DLC1: variants seen among roughly 807,000 people sequenced by gnomAD.
DLC1 encodes the protein rho GTPase-activating protein 7.
DLC1 carries 54 observed loss-of-function variants against 140.3 expected under a neutral mutation model. The ratio of observed to expected loss-of-function variants is 0.38; its 90% confidence interval spans 0.31 to 0.48. DLC1 has a LOEUF of 0.48. DLC1 is among the 20% of genes least tolerant of loss of function. The pLI is 0.96. For missense variants in DLC1, 2,536 were observed against 1,907.0 expected (o/e 1.33, Z -6.14); for synonymous variants, 986 against 728.1 (o/e 1.35, Z -5.70).
intron 4 of DLC1, among the ~76,000 whole-genome samples, chr8:13,322,505 C>T (rs1729137): frequency 0.37 from 55,916 of 151,820 alleles, 10,306 homozygotes; most frequent in East Asian, 0.47. Flanking sequence ...CATAATTCAA[C>T]TCAGCTGAGG....
At chr8:13,590,811 A>G (rs1361775399) in intron 1 of DLC1, among the ~76,000 whole-genome samples, 1 of 152,146 alleles carries the variant, frequency 6.6e-6, no homozygotes, top group African/African-American at 2.4e-5. Flanking sequence ...TAGAATATTT[A>G]GTTTGTTTTC....
intron 2 of DLC1, among the ~76,000 whole-genome samples, chr8:13,415,548 C>T (rs920751005): frequency 2.0e-5 from 3 of 151,782 alleles, no homozygotes; most frequent in South Asian, 2.1e-4. Context: ...TACAGGCTCC[C>T]GCCACCACAC....
intron 5 of DLC1, among the ~76,000 whole-genome samples, chr8:13,290,681 C>T (rs1831722693): frequency 6.6e-6 from 1 of 151,996 alleles, no homozygotes; most frequent in African/African-American, 2.4e-5. Context: ...GGAAAAGTGC[C>T]AATTGCTGAA....
At chr8:13,163,292 T>C (rs1045791468) in intron 5 of DLC1, among the ~76,000 whole-genome samples, 1 of 152,146 alleles carries the variant, frequency 6.6e-6, no homozygotes, top group East Asian at 1.9e-4. Flanking sequence ...GATTGTTTGA[T>C]TGGTAAATTG....
intron 1 of DLC1, among the ~76,000 whole-genome samples, chr8:13,534,120 A>G (rs887041964): frequency 6.6e-6 from 1 of 152,032 alleles, no homozygotes; most frequent in Non-Finnish European, 1.5e-5. Flanking sequence ...TTTCCCTCCA[A>G]TCTGTTTAGA....
intron 1 of DLC1, among the ~76,000 whole-genome samples, chr8:13,505,711 C>A (rs1241764202): frequency 6.6e-6 from 1 of 152,092 alleles, no homozygotes; most frequent in Non-Finnish European, 1.5e-5. Flanking sequence ...CTTATGTCAC[C>A]AATGTCAGCA....
chr8:13,532,234 C>T (rs1022816878), intron 1 of DLC1, among the ~76,000 whole-genome samples: 4 of 152,154 alleles, frequency 2.6e-5, no homozygotes, highest in Non-Finnish European at 5.9e-5. Flanking sequence ...CATACCACTG[C>T]ACTCCAGCCT....
At chr8:13,455,751 A>C (rs289547) in intron 2 of DLC1, among the ~76,000 whole-genome samples, 75,573 of 151,922 alleles carry the variant, frequency 0.5, 19,396 homozygotes, top group African/African-American at 0.62. Flanking sequence ...TGGCTCATGC[A>C]TGTAATCCCA....
At chr8:13,363,845 G>A (rs1671340) in intron 4 of DLC1, among the ~76,000 whole-genome samples, 105,249 of 151,686 alleles carry the variant, frequency 0.69, 37,377 homozygotes, top group East Asian at 0.84. Context: ...GATAACTGGA[G>A]CCATCAAGAA....
At chr8:13,477,621 G>C (rs1800493108) in intron 2 of DLC1, among the ~76,000 whole-genome samples, 1 of 152,238 alleles carries the variant, frequency 6.6e-6, no homozygotes. Flanking sequence ...AATCTGATTA[G>C]ACTGTGTAGA....
At chr8:13,431,299 C>T (rs970288668) in intron 2 of DLC1, among the ~76,000 whole-genome samples, 24 of 151,470 alleles carry the variant, frequency 1.6e-4, no homozygotes, top group African/African-American at 3.4e-4. Flanking sequence ...TTGGCTAACA[C>T]GGTGAAACCC....
At chr8:13,354,423 G>A (rs1834825673) in intron 4 of DLC1, among the ~76,000 whole-genome samples, 1 of 151,996 alleles carries the variant, frequency 6.6e-6, no homozygotes, top group South Asian at 2.1e-4. Flanking sequence ...GTGTGTGTGT[G>A]GCAACGACTA....
intron 1 of DLC1, among the ~76,000 whole-genome samples, chr8:13,592,756 A>C (rs1033896007): frequency 1.3e-5 from 2 of 152,100 alleles, no homozygotes; most frequent in Admixed American, 6.6e-5. Flanking sequence ...GCCCAAGCCA[A>C]CAGTTTCTTT....
chr8:13,488,716 T>C (rs778432415), intron 2 of DLC1, among the ~76,000 whole-genome samples: 1 of 152,224 alleles, frequency 6.6e-6, no homozygotes, highest in Non-Finnish European at 1.5e-5. Flanking sequence ...TGAAACCTAA[T>C]TAAGATATAA....
chr8:13,240,614 G>A (rs951988994), intron 5 of DLC1, among the ~76,000 whole-genome samples: 2 of 151,736 alleles, frequency 1.3e-5, no homozygotes, highest in African/African-American at 4.8e-5. Context: ...TTTGATTTTT[G>A]TAGAGATGAG....
chr8:13,376,168 G>C (rs1315818147), intron 4 of DLC1, among the ~76,000 whole-genome samples: 1 of 152,158 alleles, frequency 6.6e-6, no homozygotes, highest in Non-Finnish European at 1.5e-5. Context: ...TATGCTTCAT[G>C]TCTGTGTATT....
At chr8:13,596,024 T>G (rs1805669498) in intron 1 of DLC1, among the ~76,000 whole-genome samples, 1 of 152,058 alleles carries the variant, frequency 6.6e-6, no homozygotes, top group South Asian at 2.1e-4. Context: ...TTCTACACTT[T>G]CACATGATGA....
intron 4 of DLC1, among the ~76,000 whole-genome samples, chr8:13,376,822 C>A (rs1241789522): frequency 6.6e-6 from 1 of 152,126 alleles, no homozygotes; most frequent in Non-Finnish European, 1.5e-5. Context: ...AATCCTAGCT[C>A]TTGATGAGTG....
intron 4 of DLC1, among the ~76,000 whole-genome samples, chr8:13,369,354 CGAA>C (rs1381557639): frequency 3.9e-5 from 5 of 128,084 alleles, no homozygotes; most frequent in Admixed American, 8.0e-5. Context: ...TTGGCTGGGT[CGAA>C]AAAAAAAAAA....
Sources: allele counts gnomAD v4.1 joint callset (sites outside exome capture counted in the v4.1 genomes callset), GRCh38; gene constraint gnomAD v4.1.1; transcripts MANE v1.5; gene names NCBI Gene and HGNC (gene_info 2026-07-23, HGNC 2026-07-21).